TMEM231: variants seen among roughly 807,000 people sequenced by gnomAD.
The protein encoded by TMEM231 is transmembrane protein 231.
TMEM231 carries 40 observed loss-of-function variants against 38.5 expected under a neutral mutation model. That is an observed-to-expected ratio of 1.04 (90% confidence interval 0.81 to 1.35). TMEM231 has a LOEUF of 1.35. Among genes scored for constraint, TMEM231 ranks in the 40% most tolerant of loss-of-function variants. The pLI, the probability that TMEM231 is intolerant of heterozygous loss-of-function variation, is 0.00. For missense variants in TMEM231, 420 were observed against 416.9 expected, an observed-to-expected ratio of 1.01 and a Z score of -0.07; for synonymous variants, 199 against 181.7, an observed-to-expected ratio of 1.10 and a Z score of -0.77.
chr16:75,554,118 C>T (rs1031291735), intron 2 of TMEM231, among the ~76,000 whole-genome samples: 6 of 152,118 alleles, frequency 3.9e-5, no homozygotes. Context: ...CATTTTGGTT[C>T]TCAGTTTTCC....
chr16:75,554,455 A>G (rs371657450), intron 2 of TMEM231, among the ~76,000 whole-genome samples: 4 of 151,546 alleles, frequency 2.6e-5, no homozygotes, highest in African/African-American at 9.7e-5. Flanking sequence ...CTAAGGCACG[A>G]GAATTGCTTG....
chr16:75,555,776 G>A (rs2151710436), intron 2 of TMEM231, 28 bp downstream of exon 2: 1 of 1,496,040 alleles, frequency 6.7e-7, no homozygotes, highest in Non-Finnish European at 8.9e-7. Flanking sequence ...CCCCGACTCT[G>A]CCCCAGGCCC....
chr16:75,549,319 G>A (rs1284253857), intron 2 of TMEM231, among the ~76,000 whole-genome samples: 2 of 152,190 alleles, frequency 1.3e-5, no homozygotes, highest in African/African-American at 2.4e-5. Flanking sequence ...ATTCTAGGTC[G>A]CTATCTAACC....
intron 4 of TMEM231, 139 bp from the exon 5 acceptor site, chr16:75,542,822 C>A (rs1475439915): frequency 1.7e-5 from 11 of 663,732 alleles, no homozygotes; most frequent in African/African-American, 3.7e-5. Context: ...ATAATCTTTT[C>A]TTCAAAGATG....
At chr16:75,540,208 T>C (rs776734037) in intron 6 of TMEM231, 34 bp from the exon 7 acceptor site, 6 of 1,570,518 alleles carry the variant, frequency 3.8e-6, no homozygotes, top group Non-Finnish European at 5.2e-6. Flanking sequence ...GGCCACATGG[T>C]GTTAAGTATG....
chr16:75,543,625 C>T (rs185784398), intron 4 of TMEM231, among the ~76,000 whole-genome samples: 2 of 152,104 alleles, frequency 1.3e-5, no homozygotes, highest in East Asian at 3.9e-4. Flanking sequence ...AAAAAAGAAA[C>T]CATACTTCCA....
chr16:75,540,423 C>G (rs2080610315), intron 6 of TMEM231, among the ~76,000 whole-genome samples: 2 of 152,234 alleles, frequency 1.3e-5, no homozygotes, highest in Admixed American at 6.5e-5. Context: ...TGATCATGGA[C>G]TAGAGATATC....
intron 2 of TMEM231, among the ~76,000 whole-genome samples, chr16:75,551,961 CAA>C (rs60964840): frequency 5.5e-5 from 7 of 127,314 alleles, no homozygotes; most frequent in Non-Finnish European, 1.7e-5. Context: ...GACTTCATCT[CAA>C]AAAAAAAAAA....
At chr16:75,549,797 C>T (rs1251750848) in intron 2 of TMEM231, among the ~76,000 whole-genome samples, 1 of 152,160 alleles carries the variant, frequency 6.6e-6, no homozygotes, top group Non-Finnish European at 1.5e-5. Flanking sequence ...CAACCTCCAC[C>T]TCCCAGGTTC....
At chr16:75,553,266 AG>A (rs1336536940) in intron 2 of TMEM231, among the ~76,000 whole-genome samples, 1 of 152,212 alleles carries the variant, frequency 6.6e-6, no homozygotes, top group African/African-American at 2.4e-5. Context: ...TGTTGCAATA[AG>A]GGCTAAGATT....
chr16:75,543,320 AC>A (rs1226998751), intron 4 of TMEM231, among the ~76,000 whole-genome samples: 1 of 152,184 alleles, frequency 6.6e-6, no homozygotes, highest in Admixed American at 6.5e-5. Context: ...TAATCCCAAC[AC>A]TTTGGGAAGC....
chr16:75,554,494 G>C (rs1313879699), intron 2 of TMEM231, among the ~76,000 whole-genome samples: 1 of 141,800 alleles, frequency 7.1e-6, no homozygotes, highest in Non-Finnish European at 1.5e-5. Context: ...GCAGTGAGCA[G>C]AGAATTGCAG....
chr16:75,540,458 C>A (rs562800039), intron 6 of TMEM231, among the ~76,000 whole-genome samples: 27 of 152,360 alleles, frequency 1.8e-4, no homozygotes, highest in African/African-American at 6.5e-4. Context: ...AGCCATCCAT[C>A]CATCTTCTAA....
Position 75,539,905 on chromosome 16 carries a change from C to T in TMEM231, c.*89G>A, listed in dbSNP as rs979794662. 42 of 1,201,908 alleles carry T rather than the reference C, an allele frequency of 3.5e-5. No homozygotes were observed. Among genetic ancestry groups the T allele is most frequent in the Non-Finnish European group, 4.5e-5 (39 of 867,290 alleles). The allele number at this position is 1,201,908 out of a possible 1,614,324, so 74.5% of individuals were successfully genotyped here. On this transcript the variant is annotated 3_prime_UTR_variant, in exon 7 of 7. Transcript: ENST00000258173. ...AAAAGCACACAAGCCCGCAGGTGTC[C>T]GCTGGGCTCTTTCAAAAGGTCCTAA... is the stretch of plus-strand genomic sequence containing the variant.
intron 2 of TMEM231, among the ~76,000 whole-genome samples, chr16:75,549,851 G>A (rs1049914797): frequency 1.3e-5 from 2 of 152,162 alleles, no homozygotes; most frequent in African/African-American, 4.8e-5. Flanking sequence ...TGGGATTACA[G>A]GTGTGCGCCA....
chr16:75,548,822 T>C (rs2080723033), intron 2 of TMEM231, among the ~76,000 whole-genome samples: 1 of 152,162 alleles, frequency 6.6e-6, no homozygotes, highest in Admixed American at 6.5e-5. Context: ...TGAGCCGAGA[T>C]CGTGCCTCTG....
intron 2 of TMEM231, among the ~76,000 whole-genome samples, chr16:75,550,153 G>A (rs895216406): frequency 1.3e-4 from 20 of 152,220 alleles, no homozygotes; most frequent in African/African-American, 4.3e-4. Context: ...GGAAGCGGGT[G>A]GGACTGATAG....
intron 2 of TMEM231, chr16:75,555,431 A>C: frequency 4.4e-6 from 1 of 228,422 alleles, no homozygotes; most frequent in Non-Finnish European, 8.5e-6. Flanking sequence ...GAATGGGGTT[A>C]TCTACATTAA....
rs1313216234 is a variant in TMEM231, at chr16:75,537,412, T to G, written c.*2582A>C. ...TGGCAAAATCAGGAGTCTTTCTGCC[T>G]CCAAATATTCAGTAATAACATCAAA... On this transcript the variant is annotated 3_prime_UTR_variant, in exon 7 of 7. Transcript: ENST00000258173. The G allele has an allele frequency of 6.6e-6, 1 of 151,796 alleles. No individual in the cohort carries two copies. The highest frequency in any genetic ancestry group is 6.6e-5 in the Admixed American group (1 of 15,222). The allele number at this position is 151,796 out of a possible 1,614,324, so 9.4% of individuals were successfully genotyped here.
Sources: gnomAD v4.1 joint callset for allele counts (sites outside exome capture counted in the v4.1 genomes callset) on GRCh38, gnomAD v4.1.1 for gene constraint, MANE v1.5 for transcripts, NCBI Gene and HGNC (gene_info 2026-07-23, HGNC 2026-07-21) for gene names.